Variants in EFHC1 observed in about 807,000 individuals in gnomAD.
EFHC1 encodes the protein EF-hand domain containing 1.
EFHC1 carries 53 observed loss-of-function variants against 69.9 expected under a neutral mutation model. That is an observed-to-expected ratio of 0.76 (90% CI 0.61 to 0.95). EFHC1 has a LOEUF of 0.95. Among genes scored for constraint, EFHC1 ranks in the 40% least tolerant of loss-of-function variants. The probability of loss-of-function intolerance (pLI) is 0.00; values close to 1 mark genes in which losing one functional copy is unlikely to be tolerated. For synonymous variants in EFHC1, 256 were observed against 278.4 expected (o/e 0.92, Z 0.80); for missense variants, 739 against 798.7 (o/e 0.93, Z 0.90).
rs1422312269 is a variant in EFHC1, at chr6:52,464,929, C to T, written c.951C>T (p.Asp317=). The T allele has an allele frequency of 4.3e-6, 7 of 1,614,104 alleles. No homozygotes were observed. Among genetic ancestry groups the T allele is most frequent in the Admixed American group, 3.3e-5 (2 of 60,024 alleles). ...CTCAGTGTGTGCTAGAAATCTCTGACCAAGAAGTGTTGGAATGGTATACTG... is the reference window on the plus strand; with the variant it reads ...CTCAGTGTGTGCTAGAAATCTCTGATCAAGAAGTGTTGGAATGGTATACTG... ...NFPQCVLEIS[D]QEVLEWYTAK... The change falls in exon 6 of 11, where the codon GAC becomes GAT. Residue 317 remains aspartate (D), a synonymous_variant. Transcript: ENST00000371068.
chr6:52,427,437 C>A (rs1019820189), intron 2 of EFHC1, among the ~76,000 whole-genome samples: 1 of 152,138 alleles, frequency 6.6e-6, no homozygotes, highest in South Asian at 2.1e-4. Flanking sequence ...TTTCTCCTAT[C>A]TGAAATAGCT....
chr6:52,457,452 A>T (rs1248845500), intron 5 of EFHC1, among the ~76,000 whole-genome samples: 3 of 152,192 alleles, frequency 2.0e-5, no homozygotes, highest in Non-Finnish European at 4.4e-5. Flanking sequence ...CGCCCAAGAG[A>T]TGGTGGCTAG....
chr6:52,459,020 A>G (rs563799037), intron 5 of EFHC1, among the ~76,000 whole-genome samples: 16 of 152,328 alleles, frequency 1.1e-4, no homozygotes, highest in Non-Finnish European at 2.1e-4. Context: ...AGCATTGGGT[A>G]TACACATGGA....
At position 52,493,365 on chromosome 6, in the gene EFHC1, C is replaced by CAT. The variant is rs59794069; in HGVS notation, c.*1043_*1044dup. 0.017 allele frequency: 2,840 copies of CAT among 167,158 alleles called. 103 individuals are homozygous for CAT. Among genetic ancestry groups the CAT allele is most frequent in the South Asian group, 0.025 (400 of 15,722 alleles). 10.4% of individuals were successfully genotyped at this position (167,158 alleles called of 1,614,324 possible). On this transcript the variant is annotated 3_prime_UTR_variant, in exon 11 of 11. Transcript: ENST00000371068. ...ATAACTCTCTCTTTCTCTCTCTCTA[C>CAT]ATATATATATATATATATATTTTAT...
chr6:52,494,142 C>T lies in EFHC1; in HGVS notation c.*1801C>T, dbSNP rs753616585. ...ATGGGGCTATGTCTCAATAAACTCA[C>T]GTAAGTAAAAAATATCACAAGTTGA... is the stretch of plus-strand genomic sequence containing the variant. On this transcript the variant is annotated 3_prime_UTR_variant, in exon 11 of 11. Transcript: ENST00000371068. The T allele has an allele frequency of 1.8e-5, 8 of 453,880 alleles. No individual in the cohort carries two copies. The highest frequency in any genetic ancestry group is 4.0e-5 in the African/African-American group (2 of 49,922). 28.1% of individuals were successfully genotyped at this position (453,880 alleles called of 1,614,324 possible). A position where few individuals can be genotyped will look rare whatever the true frequency, so the allele number is the denominator to read the frequency against.
intron 3 of EFHC1, among the ~76,000 whole-genome samples, chr6:52,452,358 T>G (rs1292175282): frequency 6.6e-6 from 1 of 152,194 alleles, no homozygotes; most frequent in Non-Finnish European, 1.5e-5. Flanking sequence ...TGGAGTGCAG[T>G]GTCATGATCA....
intron 5 of EFHC1, among the ~76,000 whole-genome samples, chr6:52,456,491 G>GT (rs1323943904): frequency 4.6e-5 from 7 of 152,178 alleles, no homozygotes; most frequent in African/African-American, 1.7e-4. Flanking sequence ...GTTTGTCTCT[G>GT]CTTTATCAAT....
chr6:52,441,859 A>G (rs914374754), intron 3 of EFHC1, among the ~76,000 whole-genome samples: 10 of 151,794 alleles, frequency 6.6e-5, no homozygotes, highest in African/African-American at 2.4e-4. Flanking sequence ...TCTTTTTGTG[A>G]CAGTTGTAAA....
chr6:52,442,280 T>A (rs1764681404), intron 3 of EFHC1, among the ~76,000 whole-genome samples: 1 of 152,128 alleles, frequency 6.6e-6, no homozygotes. Flanking sequence ...GTTCCTTTAA[T>A]ACCTAGTTTA....
At position 52,423,997 on chromosome 6, in the gene EFHC1, A is replaced by G. The variant is rs557467591; in HGVS notation, c.115A>G (p.Ile39Val). Reference protein sequence around the residue: ...QTLSYRNGYAIVRRPTVGIGG... With the variant: ...QTLSYRNGYAVVRRPTVGIGG... Reference sequence around the variant, plus strand: ...GCTGAGCTACAGGAACGGCTATGCAATTGTTCGACGTCCAACAGTTGGGAT... The same window carrying G: ...GCTGAGCTACAGGAACGGCTATGCAGTTGTTCGACGTCCAACAGTTGGGAT... Residue 39 changes from isoleucine to valine, a missense_variant, in exon 2 of 11, where the codon ATT (isoleucine) becomes GTT (valine). Physicochemically the swap from Ile to Val is conservative, Grantham distance 29. Coordinates refer to ENST00000371068, the MANE Select transcript of EFHC1 (RefSeq NM_018100.4). The G allele has an allele frequency of 1.9e-6, 3 of 1,614,158 alleles. No individual in the cohort carries two copies. The highest frequency in any genetic ancestry group is 1.3e-5 in the African/African-American group (1 of 75,032).
Position 52,420,386 on chromosome 6 carries a change from G to C in EFHC1, c.-25G>C. On this transcript the variant is annotated 5_prime_UTR_variant, in exon 1 of 11. Transcript: ENST00000371068. ...ACCGGAGAGGACGAAGCAGGACCTA[G>C]GTGGCGGCGGTGGTACCGGCTGCAA... 6.2e-7 allele frequency: 1 copy of C among 1,614,252 alleles called. No individual in the cohort carries two copies.
rs114067143 is a variant in EFHC1, at chr6:52,475,054, A to G, written c.1279-3983A>G. 5.5e-3 allele frequency among the ~76,000 whole-genome samples: 838 copies of G among 151,930 alleles called. 8 individuals carry two copies. The highest frequency in any genetic ancestry group is 0.019 in the African/African-American group (788 of 41,492). On this transcript the variant is annotated intron_variant, in intron 7 of 10. Transcript: ENST00000371068. Reference sequence around the variant, plus strand: ...CTCTCTGTGTTACTGCTCACAGTAAAAAAAATTAAAAGAAAGCCAACAGAA... The same window carrying G: ...CTCTCTGTGTTACTGCTCACAGTAAGAAAAATTAAAAGAAAGCCAACAGAA...
chr6:52,449,372 C>T (rs1228543255), intron 3 of EFHC1, among the ~76,000 whole-genome samples: 1 of 144,898 alleles, frequency 6.9e-6, no homozygotes, highest in Non-Finnish European at 1.5e-5. Context: ...CAGAGCAAGA[C>T]TCCATCTCAA....
intron 3 of EFHC1, among the ~76,000 whole-genome samples, chr6:52,444,886 C>T (rs933965876): frequency 2.0e-5 from 3 of 152,142 alleles, no homozygotes; most frequent in African/African-American, 7.2e-5. Flanking sequence ...CTTTGTACCT[C>T]TGGTAGAATT....
rs1439607920 is a variant in EFHC1, at chr6:52,493,874, C to T, written c.*1533C>T. On this transcript the variant is annotated 3_prime_UTR_variant, in exon 11 of 11. Transcript: ENST00000371068. ...TGTGGTATGAATGAGGATAGAGTTACACAGAATTCAGACTGCTTTGCCCTC... is the reference window on the plus strand; with the variant it reads ...TGTGGTATGAATGAGGATAGAGTTATACAGAATTCAGACTGCTTTGCCCTC... The T allele has an allele frequency of 2.2e-6, 1 of 454,100 alleles. No homozygotes were observed. Among genetic ancestry groups the T allele is most frequent in the East Asian group, 6.9e-5 (1 of 14,396 alleles). The allele number at this position is 454,100 out of a possible 1,614,324, so 28.1% of individuals were successfully genotyped here. A position where few individuals can be genotyped will look rare whatever the true frequency, so the allele number is the denominator to read the frequency against.
intron 6 of EFHC1, among the ~76,000 whole-genome samples, chr6:52,467,029 AGG>A (rs1215351353): frequency 7.8e-6 from 1 of 127,640 alleles, no homozygotes; most frequent in African/African-American, 3.0e-5. Flanking sequence ...TGCAGTACAC[AGG>A]GGAAAATACC....
At chr6:52,435,632 C>T (rs1764516068) in intron 2 of EFHC1, among the ~76,000 whole-genome samples, 1 of 152,216 alleles carries the variant, frequency 6.6e-6, no homozygotes, top group African/African-American at 2.4e-5. Flanking sequence ...TAATTAATTA[C>T]TGCAGACCTG....
chr6:52,480,120 A>G (rs1765643438), intron 9 of EFHC1: 8 of 541,850 alleles, frequency 1.5e-5, no homozygotes, highest in Admixed American at 1.3e-4. Context: ...TACTGATAAC[A>G]TAAACAGTTG....
In EFHC1 at chr6:52,496,445, G is replaced by A. The variant is rs937934675; in HGVS notation, c.*4104G>A. On this transcript the variant is annotated 3_prime_UTR_variant, in exon 11 of 11. Transcript: ENST00000371068. ...GCCTTGAAAATACCATCCAATTAAG[G>A]TGTATCAAATCCATATCTATAGGCT... The A allele has an allele frequency of 1.3e-5, 2 of 152,092 alleles. No homozygotes were observed. The highest frequency in any genetic ancestry group is 4.8e-5 in the African/African-American group (2 of 41,388). The allele number at this position is 152,092 out of a possible 1,614,324, so 9.4% of individuals were successfully genotyped here. A position where few individuals can be genotyped will look rare whatever the true frequency, so the allele number is the denominator to read the frequency against.
Sources: gnomAD v4.1 joint callset for allele counts (sites outside exome capture counted in the v4.1 genomes callset) on GRCh38, gnomAD v4.1.1 for gene constraint, MANE v1.5 for transcripts, NCBI Gene and HGNC (gene_info 2026-07-23, HGNC 2026-07-21) for gene names.